The following C4orf36 variants were observed in gnomAD, a reference collection of about 807,000 sequenced individuals.
The protein encoded by C4orf36 is chromosome 4 open reading frame 36, also known as uncharacterized protein C4orf36.
C4orf36 carries 11 observed loss-of-function variants against 12.2 expected under a neutral mutation model. That is an observed-to-expected ratio of 0.90 (90% confidence interval 0.57 to 1.49). The LOEUF (loss-of-function observed/expected upper bound fraction) is 1.49. Ranked by LOEUF, C4orf36 falls within the 40% of genes most tolerant of loss-of-function variation. C4orf36 has a pLI of 0.00. For synonymous variants in C4orf36, 54 were observed against 51.3 expected (o/e 1.05, Z -0.22); for missense variants, 137 against 133.9 (o/e 1.02, Z -0.11).
chr4:86,911,554 G>T, the C4orf36 span, among the ~76,000 whole-genome samples: 1 of 152,210 alleles, frequency 6.6e-6, no homozygotes, highest in African/African-American at 2.4e-5. Context: ...AGCTTGCTGA[G>T]GGTTTTTTCT....
At chr4:86,903,951 G>T in the C4orf36 span, among the ~76,000 whole-genome samples, 1 of 152,160 alleles carries the variant, frequency 6.6e-6, no homozygotes, top group Non-Finnish European at 1.5e-5. Context: ...CCTTTAGCTA[G>T]ACACAGAGCG....
At chr4:86,928,864 TTCC>T in the C4orf36 span, among the ~76,000 whole-genome samples, 1 of 152,094 alleles carries the variant, frequency 6.6e-6, no homozygotes, top group East Asian at 1.9e-4. Flanking sequence ...TTTCCCCAAC[TTCC>T]TCTTTTCTTT....
intron 2 of C4orf36, 150 bp from the exon 3 acceptor site, chr4:86,888,425 T>C: frequency 1.5e-6 from 1 of 665,204 alleles, no homozygotes; most frequent in Non-Finnish European, 2.5e-6. Context: ...TCCAGAGTTG[T>C]AGTTCCAGAC....
the C4orf36 span, among the ~76,000 whole-genome samples, chr4:86,908,944 A>G: frequency 2.0e-5 from 3 of 152,098 alleles, no homozygotes; most frequent in Non-Finnish European, 4.4e-5. Flanking sequence ...CAGGGCTTGT[A>G]CTTGGGAGGA....
the C4orf36 span, among the ~76,000 whole-genome samples, chr4:86,920,110 G>A: frequency 6.6e-6 from 1 of 152,138 alleles, no homozygotes; most frequent in East Asian, 1.9e-4. Flanking sequence ...AAAGTCTAGG[G>A]CATGAACACA....
the C4orf36 span, among the ~76,000 whole-genome samples, chr4:86,905,612 T>C: frequency 6.6e-6 from 1 of 151,972 alleles, no homozygotes; most frequent in Non-Finnish European, 1.5e-5. Flanking sequence ...TGGGGTAGAG[T>C]TGGGAAGACA....
At chr4:86,918,172 TCTC>T in the C4orf36 span, among the ~76,000 whole-genome samples, 1 of 152,132 alleles carries the variant, frequency 6.6e-6, no homozygotes, top group African/African-American at 2.4e-5. Flanking sequence ...GACCTAATCA[TCTC>T]CCAAAGGCCC....
chr4:86,895,849 TATTAGGTAAG>T (rs1747580096), upstream of C4orf36, among the ~76,000 whole-genome samples: 1 of 143,650 alleles, frequency 7.0e-6, no homozygotes, highest in Non-Finnish European at 1.5e-5. Context: ...CACATCTTTC[TATTAGGTAAG>T]GCTTCACCCA....
At chr4:86,915,551 A>AG in the C4orf36 span, among the ~76,000 whole-genome samples, 605 of 152,216 alleles carry the variant, frequency 4.0e-3, 5 homozygotes, top group African/African-American at 0.014. Context: ...TGGGAGGCCG[A>AG]GGGGGGTGGA....
chr4:86,894,321 A>G (rs6819730), upstream of C4orf36, among the ~76,000 whole-genome samples: 3,044 of 152,340 alleles, frequency 0.02, 115 homozygotes, highest in African/African-American at 0.069. Flanking sequence ...ACATATATAT[A>G]TACACATATA....
chr4:86,888,976 G>C (rs1412102223), intron 2 of C4orf36, among the ~76,000 whole-genome samples: 1 of 152,160 alleles, frequency 6.6e-6, no homozygotes, highest in Admixed American at 6.6e-5. Flanking sequence ...AATTATTATA[G>C]ATGTACCTGA....
chr4:86,877,286 C>T (rs1049823184), intron 4 of C4orf36, among the ~76,000 whole-genome samples: 2 of 152,116 alleles, frequency 1.3e-5, no homozygotes, highest in Admixed American at 1.3e-4. Flanking sequence ...AGTTAACAAT[C>T]CAGCTCTAAT....
the C4orf36 span, among the ~76,000 whole-genome samples, chr4:86,906,176 G>A: frequency 1.7e-4 from 26 of 152,188 alleles, no homozygotes; most frequent in African/African-American, 5.8e-4. Context: ...GCTCAGATCC[G>A]CAATAAACTG....
In C4orf36 at chr4:86,887,841, A is replaced by G. The variant is rs1747236423; in HGVS notation, c.273T>C (p.Cys91=). 1 of 1,614,046 alleles carries G rather than the reference A, an allele frequency of 6.2e-7. No homozygotes were observed. The highest frequency in any genetic ancestry group is 1.3e-5 in the African/African-American group (1 of 74,932). ...GAATTTCCTTAGATGTATTTTCTTG[A>G]CACTTCAGTTTACAAAGACGCTTCA... ...YEVKRLCKLK[C]QENTSKEIQL... is the part of the protein sequence containing the mutation. The change falls in exon 4 of 5, where the codon TGT becomes TGC. Residue 91 remains cysteine, a synonymous_variant. Coordinates refer to ENST00000295898, the MANE Select transcript of C4orf36 (RefSeq NM_144645.4).
chr4:86,901,205 G>A, the C4orf36 span, among the ~76,000 whole-genome samples: 9,981 of 151,738 alleles, frequency 0.066, 386 homozygotes, highest in Non-Finnish European at 0.089. Context: ...GGCTGGTCTC[G>A]AACTGACTTC....
At chr4:86,908,386 T>A in the C4orf36 span, among the ~76,000 whole-genome samples, 1 of 151,924 alleles carries the variant, frequency 6.6e-6, no homozygotes, top group South Asian at 2.1e-4. Context: ...TATTTTGGTT[T>A]ACTTCCTCTC....
chr4:86,894,805 C>G (rs1747554638), upstream of C4orf36, among the ~76,000 whole-genome samples: 1 of 152,108 alleles, frequency 6.6e-6, no homozygotes, highest in African/African-American at 2.4e-5. Context: ...ACTCAAGCTG[C>G]CTTATGGAGA....
At chr4:86,903,433 A>G in the C4orf36 span, among the ~76,000 whole-genome samples, 228 of 152,288 alleles carry the variant, frequency 1.5e-3, 1 homozygote, top group African/African-American at 5.2e-3. Context: ...GTCTCGCTGA[A>G]TGAAGCCACA....
chr4:86,893,999 C>T (rs1747531931), upstream of C4orf36, among the ~76,000 whole-genome samples: 1 of 149,410 alleles, frequency 6.7e-6, no homozygotes, highest in South Asian at 2.1e-4. Flanking sequence ...CGGGTTCACG[C>T]CATTCTCCTG....
Sources: allele counts gnomAD v4.1 joint callset (sites outside exome capture counted in the v4.1 genomes callset), GRCh38; gene constraint gnomAD v4.1.1; transcripts MANE v1.5; gene names NCBI Gene and HGNC (gene_info 2026-07-23, HGNC 2026-07-21).